GRIP1: variants seen among roughly 807,000 people sequenced by gnomAD.
GRIP1 encodes glutamate receptor interacting protein 1.
Under a neutral mutation model 129.9 loss-of-function variants are expected in GRIP1, and 45 were observed. The observed-to-expected ratio is 0.35, with a 90% CI of 0.27 to 0.44. GRIP1 has a LOEUF of 0.44. Among genes scored for constraint, GRIP1 ranks in the 20% least tolerant of loss-of-function variants. The pLI is 1.00. For missense variants in GRIP1, 1,196 were observed against 1,396.8 expected, an observed-to-expected ratio of 0.86 and a Z score of 2.29; for synonymous variants, 530 against 520.8, an observed-to-expected ratio of 1.02 and a Z score of -0.24.
Position 66,883,616 on chromosome 12 carries a change from A to G in GRIP1, c.58+185434T>C, listed in dbSNP as rs1188114093. Among the ~76,000 whole-genome samples, 4 of 152,322 alleles carry G rather than the reference A, an allele frequency of 2.6e-5. No individual in the cohort carries two copies. In the South Asian group the frequency reaches 6.2e-4, roughly 24 times the overall value. On this transcript the variant is annotated intron_variant, in intron 1 of 1. Transcript: ENST00000643019. ...CCCAGGTTCCTCCTTTAGTGTCTCA[A>G]TGATCAAAAGCTCTCCCTTGAGAGG... is the stretch of plus-strand genomic sequence containing the variant.
In GRIP1 at chr12:67,068,528, T is replaced by C. The variant is rs116371300; in HGVS notation, c.58+522A>G. Among the ~76,000 whole-genome samples the C allele has an allele frequency of 5.8e-3, 881 of 152,128 alleles. 9 individuals are homozygous for C. The highest frequency in any genetic ancestry group is 0.02 in the African/African-American group (847 of 41,508). ...CGCCCCCTTGCCTCCCCTACGCTCT[T>C]CCTTCTCCTCTTCCTTCTTTATGAA... On this transcript the variant is annotated intron_variant, in intron 1 of 1. Coordinates refer to the GRIP1 transcript ENST00000643019.
intron 1 of GRIP1, among the ~76,000 whole-genome samples, chr12:66,723,258 TCCTTCCTTCCTTCCTTCCTTCCTTCC>T (rs2036133341): frequency 6.2e-4 from 6 of 9,744 alleles, no homozygotes; most frequent in Admixed American, 1.2e-3. Context: ...CTTCCTTCCT[TCCTTCCTTCCTTCCTTCCTTCCTTCC>T]TTTCTTTCTT....
chr12:66,992,077 T>C (rs140666531), intron 1 of GRIP1, among the ~76,000 whole-genome samples: 138 of 152,318 alleles, frequency 9.1e-4, no homozygotes, highest in African/African-American at 3.1e-3. Context: ...TAGGCATAGA[T>C]TGCACTCTGT....
intron 1 of GRIP1, among the ~76,000 whole-genome samples, chr12:66,666,335 T>C (rs1464352536): frequency 1.3e-5 from 2 of 152,172 alleles, no homozygotes; most frequent in Non-Finnish European, 2.9e-5. Context: ...AAGGTCAAGT[T>C]CATCTGCCAA....
intron 1 of GRIP1, among the ~76,000 whole-genome samples, chr12:67,045,642 C>T (rs1171807439): frequency 2.0e-5 from 3 of 152,160 alleles, no homozygotes; most frequent in African/African-American, 7.2e-5. Context: ...TCTAAGCACA[C>T]TAAGGAATTA....
intron 1 of GRIP1, among the ~76,000 whole-genome samples, chr12:66,964,307 T>G (rs980769999): frequency 6.6e-6 from 1 of 152,172 alleles, no homozygotes; most frequent in East Asian, 1.9e-4. Context: ...AAAGGACTTA[T>G]GTTCTAGAGG....
rs894118879 is a variant in GRIP1 at position 66,678,917 on chromosome 12, C to T, written c.-13G>A. 5 of 1,613,198 alleles carry T rather than the reference C, an allele frequency of 3.1e-6. No individual in the cohort carries two copies. In the East Asian group the frequency reaches 6.7e-5, roughly 22 times the overall value. ...AGACAGCTATCATTCTTGCTCACTG[C>T]TTTCTGTGGCAAAGTGTACTCAAGG... On this transcript the variant is annotated 5_prime_UTR_variant, in exon 1 of 25. Transcript: ENST00000359742.
chr12:66,526,082 A>ATAC (rs1194803628), intron 5 of GRIP1, among the ~76,000 whole-genome samples: 2 of 151,602 alleles, frequency 1.3e-5, no homozygotes, highest in Non-Finnish European at 3.0e-5. Flanking sequence ...GGAAGAATCA[A>ATAC]CGTGAAAATG....
chr12:66,701,531 C>T (rs1443437849), intron 1 of GRIP1, among the ~76,000 whole-genome samples: 7 of 152,130 alleles, frequency 4.6e-5, no homozygotes, highest in East Asian at 1.9e-4. Context: ...AAGAAACATA[C>T]CAGAATAAAT....
chr12:66,453,000 T>C (rs2058851500), intron 11 of GRIP1, among the ~76,000 whole-genome samples: 1 of 152,210 alleles, frequency 6.6e-6, no homozygotes, highest in South Asian at 2.1e-4. Flanking sequence ...ATAAACATTC[T>C]GGTATGTTTA....
chr12:66,678,612 T>TA lies in GRIP1; in HGVS notation c.55+237dup, dbSNP rs201656044. 5.1e-3 allele frequency among the ~76,000 whole-genome samples: 762 copies of TA among 148,714 alleles called. 5 individuals are homozygous for TA. The highest frequency in any genetic ancestry group is 0.017 in the Middle Eastern group (5 of 286). ...TCTTTTCAGCAAAGAATGAAGTCAT[T>TA]AAAAAAAAAATCACACAAGCTGCTT... On this transcript the variant is annotated intron_variant, in intron 1 of 24. Transcript: ENST00000359742.
chr12:66,579,350 C>T (rs1734013350), intron 2 of GRIP1, among the ~76,000 whole-genome samples: 1 of 152,176 alleles, frequency 6.6e-6, no homozygotes, highest in South Asian at 2.1e-4. Context: ...AAAAGCAAAG[C>T]ACCTCTCCTC....
intron 23 of GRIP1, among the ~76,000 whole-genome samples, chr12:66,358,495 G>A (rs1316898241): frequency 6.6e-6 from 1 of 152,048 alleles, no homozygotes. Context: ...CACCCCGACT[G>A]GAATGCAGTG....
chr12:66,593,822 A>G (rs2063933563), intron 2 of GRIP1, among the ~76,000 whole-genome samples: 1 of 152,106 alleles, frequency 6.6e-6, no homozygotes, highest in Non-Finnish European at 1.5e-5. Flanking sequence ...TAATCCCTGC[A>G]CTTTGGGAGG....
chr12:66,748,899 C>A (rs934552708), intron 1 of GRIP1, among the ~76,000 whole-genome samples: 3 of 152,118 alleles, frequency 2.0e-5, no homozygotes, highest in Admixed American at 6.5e-5. Flanking sequence ...TGTATCCATC[C>A]CTAGAGGTAA....
At chr12:66,354,300 A>T (rs991259869) in intron 23 of GRIP1, among the ~76,000 whole-genome samples, 1 of 152,074 alleles carries the variant, frequency 6.6e-6, no homozygotes, top group East Asian at 1.9e-4. Flanking sequence ...TCACTCCTTC[A>T]CCTGACCACC....
chr12:66,897,937 G>T (rs1389214558), intron 1 of GRIP1, among the ~76,000 whole-genome samples: 1 of 151,914 alleles, frequency 6.6e-6, no homozygotes, highest in African/African-American at 2.4e-5. Flanking sequence ...CCAAATCCTC[G>T]CAAAACAAAG....
At chr12:66,409,368 A>C (rs972907682) in intron 15 of GRIP1, among the ~76,000 whole-genome samples, 3 of 152,196 alleles carry the variant, frequency 2.0e-5, no homozygotes, top group African/African-American at 7.2e-5. Flanking sequence ...AAGGAAGAGA[A>C]CAAGAGTCTC....
Position 66,349,076 on chromosome 12 carries a change from G to GA in GRIP1, c.3329dup (p.Gln1111ProfsTer4), listed in dbSNP as rs750572793. On this transcript the variant is annotated frameshift_variant, in exon 25 of 25. Transcript: ENST00000359742. LOFTEE classifies it high-confidence loss of function. ...AATTACCACCGTGGCTAGGCTGCTGGAAAAAAGCACTGTTCTGTTCACTCC... is the reference window on the plus strand; with the variant it reads ...AATTACCACCGTGGCTAGGCTGCTGGAAAAAAAGCACTGTTCTGTTCACTCC... The GA allele has an allele frequency of 9.9e-6, 16 of 1,614,096 alleles. No individual in the cohort carries two copies. Among genetic ancestry groups the GA allele is most frequent in the Non-Finnish European group, 1.2e-5 (14 of 1,179,982 alleles).
Sources: gnomAD v4.1 joint callset for allele counts (sites outside exome capture counted in the v4.1 genomes callset) on GRCh38, gnomAD v4.1.1 for gene constraint, MANE v1.5 for transcripts, NCBI Gene and HGNC (gene_info 2026-07-23, HGNC 2026-07-21) for gene names.